Variants in LPIN1 observed in about 807,000 individuals in gnomAD.
LPIN1 encodes lipin 1, also known as phosphatidate phosphatase LPIN1.
In LPIN1, 71 loss-of-function variants were observed where a neutral mutation model predicts 107.5. The observed-to-expected ratio is 0.66, with a 90% CI of 0.55 to 0.80. The LOEUF (loss-of-function observed/expected upper bound fraction) is 0.80. LPIN1 is among the 30% of genes least tolerant of loss of function. The probability of loss-of-function intolerance (pLI) is 0.00; values close to 1 mark genes in which losing one functional copy is unlikely to be tolerated. For missense variants in LPIN1, 1,043 were observed against 1,160.6 expected, an observed-to-expected ratio of 0.90 and a Z score of 1.47; for synonymous variants, 445 against 452.6, an observed-to-expected ratio of 0.98 and a Z score of 0.21.
intron 1 of LPIN1, among the ~76,000 whole-genome samples, chr2:11,710,139 T>G (rs893790969): frequency 6.6e-6 from 1 of 152,098 alleles, no homozygotes; most frequent in African/African-American, 2.4e-5. Flanking sequence ...CCTACCCTTA[T>G]AAGGGTAGTA....
At chr2:11,681,977 C>A (rs1661738999) in intron 1 of LPIN1, among the ~76,000 whole-genome samples, 1 of 152,172 alleles carries the variant, frequency 6.6e-6, no homozygotes, top group Non-Finnish European at 1.5e-5. Context: ...TCCCATACCG[C>A]GAACCCCCTG....
At chr2:11,743,714 G>C (rs992635817), upstream of LPIN1, among the ~76,000 whole-genome samples, 1 of 152,130 alleles carries the variant, frequency 6.6e-6, no homozygotes, top group South Asian at 2.1e-4. The surrounding 1 kb of genome is among the most constrained non-coding windows in gnomAD (Gnocchi z 4.7). Context: ...CTTTCTGCCC[G>C]GGCAGTTACA....
intron 1 of LPIN1, among the ~76,000 whole-genome samples, chr2:11,691,611 G>A (rs1356595333): frequency 1.3e-5 from 2 of 152,148 alleles, no homozygotes; most frequent in African/African-American, 4.8e-5. Context: ...TTGGAGCCCG[G>A]CTATGTCATA....
At chr2:11,738,128 C>T (rs1665972679) in intron 1 of LPIN1, among the ~76,000 whole-genome samples, 1 of 151,956 alleles carries the variant, frequency 6.6e-6, no homozygotes, top group African/African-American at 2.4e-5. Flanking sequence ...AGCAAACTAA[C>T]ACAGGAACGG....
chr2:11,767,311 A>G (rs1339801190), intron 2 of LPIN1: 1 of 190,852 alleles, frequency 5.2e-6, no homozygotes, highest in Non-Finnish European at 1.1e-5. Context: ...GGGGCTGGGG[A>G]AGCTTTGATT....
chr2:11,804,664 G>C, intron 16 of LPIN1, 93 bp downstream of exon 16: 1 of 1,336,820 alleles, frequency 7.5e-7, no homozygotes, highest in South Asian at 1.2e-5. Context: ...TCTCCTCATG[G>C]GACTTGCACG....
intron 1 of LPIN1, among the ~76,000 whole-genome samples, chr2:11,740,168 G>C (rs1031586945): frequency 3.9e-5 from 6 of 152,170 alleles, no homozygotes; most frequent in African/African-American, 1.4e-4. Context: ...GGGTGTCCCA[G>C]CTTCAGAAAA....
chr2:11,688,699 T>C lies in LPIN1; in HGVS notation c.81+10971T>C, dbSNP rs564962161. ...GACAAATGGAAAATGAGTTAATACA[T>C]ACAACATTTTCAGCCGATAATAAGA... On this transcript the variant is annotated intron_variant, in intron 1 of 21. Transcript: ENST00000449576. Among the ~76,000 whole-genome samples the C allele has an allele frequency of 5.3e-5, 8 of 152,354 alleles. No individual in the cohort carries two copies. The South Asian group carries it at 1.2e-3, about 24-fold the overall frequency.
In LPIN1 at chr2:11,821,834, G is replaced by T. The variant is rs75462385; in HGVS notation, c.2621+1320G>T. ...AGTACCCAAGCAGTCCTCAAGGTTT[G>T]TGCAGAGAGAGGGGAGGCTGGAGCC... On this transcript the variant is annotated intron_variant, in intron 20 of 20. Transcript: ENST00000674199. Among the ~76,000 whole-genome samples the T allele has an allele frequency of 2.6e-5, 4 of 152,310 alleles. No individual in the cohort carries two copies. The East Asian group carries it at 7.7e-4, about 29-fold the overall frequency.
In LPIN1 at chr2:11,783,054, G is replaced by C. The variant is rs574186759; in HGVS notation, c.1264+547G>C. On this transcript the variant is annotated intron_variant, in intron 8 of 20. Transcript: ENST00000674199. ...GCATAGTGGTTGGCACACAGTGGGC[G>C]CTCTGTGTTGGTTTAATGCACTCCT... Among the ~76,000 whole-genome samples, 3 of 152,314 alleles carry C rather than the reference G, an allele frequency of 2.0e-5. No individual in the cohort carries two copies. In the South Asian group the frequency reaches 6.2e-4, roughly 32 times the overall value.
chr2:11,793,367 A>G (rs929341597), intron 13 of LPIN1, among the ~76,000 whole-genome samples: 1 of 152,114 alleles, frequency 6.6e-6, no homozygotes, highest in Non-Finnish European at 1.5e-5. Context: ...CTTTGCACCC[A>G]TCCTCACCCT....
chr2:11,714,390 C>T (rs1172646091), intron 2 of LPIN1, among the ~76,000 whole-genome samples: 1 of 152,208 alleles, frequency 6.6e-6, no homozygotes, highest in Admixed American at 6.5e-5. Context: ...TTTGGCTCTT[C>T]CTAGACCCCA....
rs367682574 is a variant in LPIN1 at position 11,753,771 on chromosome 2, CTATT to C, written c.-10+7104_-10+7107del. ...TGTAAATTACAGGAGGAAGCTAACACTATTTATAAATCAATTTCATTTTCATGCA... is the reference window on the plus strand; with the variant it reads ...TGTAAATTACAGGAGGAAGCTAACACTATAAATCAATTTCATTTTCATGCA... On this transcript the variant is annotated intron_variant, in intron 1 of 20. Coordinates refer to ENST00000674199, the MANE Select transcript of LPIN1 (RefSeq NM_001349206.2). Among the ~76,000 whole-genome samples, 688 of 152,388 alleles carry C rather than the reference CTATT, an allele frequency of 4.5e-3. 3 individuals carry two copies. The highest frequency in any genetic ancestry group is 0.016 in the African/African-American group (650 of 41,594).
At chr2:11,798,121 TC>T (rs1040621877) in intron 14 of LPIN1, among the ~76,000 whole-genome samples, 1 of 152,224 alleles carries the variant, frequency 6.6e-6, no homozygotes, top group Admixed American at 6.5e-5. Context: ...CACCTGCTTT[TC>T]CTTTGCCTTC....
In LPIN1 at chr2:11,815,258, TGCACCTCC is replaced by T; in HGVS notation, c.2402+19_2402+26del. ...CTGCACAGGTACCAGGCCTGCTCCCTGCACCTCCATCTGTGAGCCTGTTCAGACCCGCT... is the reference window on the plus strand; with the variant it reads ...CTGCACAGGTACCAGGCCTGCTCCCTATCTGTGAGCCTGTTCAGACCCGCT... On this transcript the variant is annotated intron_variant, in intron 18 of 20. Transcript: ENST00000674199. 6.2e-7 allele frequency: 1 copy of T among 1,613,496 alleles called. No individual in the cohort carries two copies. The highest frequency in any genetic ancestry group is 8.5e-7 in the Non-Finnish European group (1 of 1,179,854).
In LPIN1 at chr2:11,788,392, A is replaced by T. The variant is rs771546675; in HGVS notation, c.1649A>T (p.Tyr550Phe). The T allele has an allele frequency of 1.2e-6, 2 of 1,612,928 alleles. No homozygotes were observed. Among genetic ancestry groups the T allele is most frequent in the East Asian group, 4.5e-5 (2 of 44,882 alleles). ...ATTTCATTGTTTTGTGTTAGATATT[A>T]TAACTGGACAACAGCAGCACCCCTC... Reference protein sequence around the residue: ...NLVVKIGSKYYNWTTAAPLLL... With the variant: ...NLVVKIGSKYFNWTTAAPLLL... The change falls in exon 12 of 21, where the codon TAT becomes TTT. Residue 550 changes from tyrosine (Y) to phenylalanine (F), a missense_variant. Coordinates refer to ENST00000674199, the MANE Select transcript of LPIN1 (RefSeq NM_001349206.2).
chr2:11,791,470 C>G (rs576816883), intron 12 of LPIN1, among the ~76,000 whole-genome samples: 23 of 152,290 alleles, frequency 1.5e-4, no homozygotes, highest in Admixed American at 1.2e-3. Context: ...TAGTAAAAAT[C>G]TTATGCATTT....
At chr2:11,783,189 A>G (rs1673863617) in intron 8 of LPIN1, among the ~76,000 whole-genome samples, 1 of 152,232 alleles carries the variant, frequency 6.6e-6, no homozygotes, top group African/African-American at 2.4e-5. Flanking sequence ...GCTAGAAGTA[A>G]AGAGGACATT....
In LPIN1 at chr2:11,768,942, C is replaced by CA. The variant is rs201606977; in HGVS notation, c.288+1093dup. On this transcript the variant is annotated intron_variant, in intron 3 of 20. Coordinates refer to ENST00000674199, the MANE Select transcript of LPIN1 (RefSeq NM_001349206.2). ...CAGAGCGAGGCTCTGTCTCAAAAAACAAAAAAAAAGAAACCAAAAAAACCC... is the reference window on the plus strand; with the variant it reads ...CAGAGCGAGGCTCTGTCTCAAAAAACAAAAAAAAAAGAAACCAAAAAAACCC... Among the ~76,000 whole-genome samples the CA allele has an allele frequency of 7.5e-3, 1,124 of 150,398 alleles. 16 individuals are homozygous for CA. The highest frequency in any genetic ancestry group is 0.026 in the African/African-American group (1,058 of 40,952).
Sources: allele counts gnomAD v4.1 joint callset (sites outside exome capture counted in the v4.1 genomes callset), GRCh38; gene constraint gnomAD v4.1.1; non-coding constraint Gnocchi (gnomAD v3.1); transcripts MANE v1.5; gene names NCBI Gene and HGNC (gene_info 2026-07-23, HGNC 2026-07-21).